The following OPCML variants were observed in gnomAD, a reference collection of about 807,000 sequenced individuals.
OPCML encodes the protein opioid binding protein/cell adhesion molecule like.
OPCML carries 13 observed loss-of-function variants against 37.8 expected under a neutral mutation model. The observed-to-expected ratio is 0.34, with a 90% confidence interval of 0.22 to 0.55. The LOEUF is 0.55. Ranked by LOEUF, OPCML falls within the 20% of genes least tolerant of loss-of-function variation. OPCML has a pLI of 0.91. For missense variants in OPCML, 341 were observed against 435.6 expected (o/e 0.78, Z 1.93); for synonymous variants, 176 against 168.8 (o/e 1.04, Z -0.33).
intron 7 of OPCML, chr11:132,435,011 C>A: frequency 2.5e-6 from 1 of 399,682 alleles, no homozygotes; most frequent in Non-Finnish European, 4.9e-6. Flanking sequence ...ATTATCTAAA[C>A]TGTGTAAACC....
intron 1 of OPCML, among the ~76,000 whole-genome samples, chr11:133,139,618 G>T (rs2137156605): frequency 6.6e-6 from 1 of 152,314 alleles, no homozygotes; most frequent in Admixed American, 6.5e-5. Flanking sequence ...TAGAAGAAAT[G>T]AGGCAGATTG....
chr11:132,461,210 A>G (rs964536200), intron 4 of OPCML, among the ~76,000 whole-genome samples: 2 of 152,140 alleles, frequency 1.3e-5, no homozygotes, highest in Non-Finnish European at 2.9e-5. Context: ...TGCTAATGCC[A>G]TGACTGGGGA....
intron 1 of OPCML, among the ~76,000 whole-genome samples, chr11:133,074,735 T>A (rs1463625594): frequency 6.6e-6 from 1 of 152,142 alleles, no homozygotes; most frequent in Non-Finnish European, 1.5e-5. Context: ...TGCAAAAATA[T>A]GATGAGAACA....
intron 3 of OPCML, among the ~76,000 whole-genome samples, chr11:132,547,355 C>T (rs767331440): frequency 6.6e-5 from 10 of 151,926 alleles, no homozygotes; most frequent in South Asian, 2.1e-4. Flanking sequence ...AGAGGGTGGG[C>T]GAATCAAGAG....
At chr11:132,698,901 A>T (rs979170100) in intron 2 of OPCML, among the ~76,000 whole-genome samples, 1 of 152,098 alleles carries the variant, frequency 6.6e-6, no homozygotes, top group African/African-American at 2.4e-5. Flanking sequence ...TCTGAAAAAA[A>T]ATGCCATTGA....
intron 1 of OPCML, among the ~76,000 whole-genome samples, chr11:133,168,502 A>G (rs1950244844): frequency 6.6e-6 from 1 of 152,220 alleles, no homozygotes; most frequent in African/African-American, 2.4e-5. Flanking sequence ...AATTGGTGTC[A>G]TGTAAAAAAA....
intron 3 of OPCML, among the ~76,000 whole-genome samples, chr11:132,631,566 T>A (rs1013631992): frequency 1.3e-5 from 2 of 150,864 alleles, no homozygotes; most frequent in Non-Finnish European, 3.0e-5. Flanking sequence ...TTCACGCCAT[T>A]CGCCTGCCTC....
At chr11:133,427,870 T>C (rs1197770105) in intron 1 of OPCML, among the ~76,000 whole-genome samples, 2 of 152,164 alleles carry the variant, frequency 1.3e-5, no homozygotes, top group African/African-American at 4.8e-5. Context: ...TGAAAATATC[T>C]ATGTGCATAT....
At position 132,850,501 on chromosome 11, in the gene OPCML, C is replaced by T. The variant is rs906496304; in HGVS notation, c.146+92425G>A. Among the ~76,000 whole-genome samples the T allele has an allele frequency of 2.0e-5, 3 of 147,858 alleles. No homozygotes were observed. In the South Asian group the frequency reaches 6.5e-4, roughly 32 times the overall value. ...TAAACAATTTGTCTATTTTATGATT[C>T]TACACTGTGGAAAGGGTGTGTGTGT... is the stretch of plus-strand genomic sequence containing the variant. On this transcript the variant is annotated intron_variant, in intron 2 of 7. Transcript: ENST00000524381.
At chr11:132,996,501 A>T (rs111345962) in intron 1 of OPCML, among the ~76,000 whole-genome samples, 1 of 151,378 alleles carries the variant, frequency 6.6e-6, no homozygotes, top group African/African-American at 2.4e-5. Flanking sequence ...AGTCCCAGCT[A>T]CTCGGAAGCC....
chr11:133,426,986 A>G (rs1228916344), intron 1 of OPCML, among the ~76,000 whole-genome samples: 1 of 152,324 alleles, frequency 6.6e-6, no homozygotes, highest in East Asian at 1.9e-4. Flanking sequence ...TGTAGAAAGT[A>G]AAGCAAACAA....
intron 2 of OPCML, among the ~76,000 whole-genome samples, chr11:132,913,284 C>A (rs180928313): frequency 7.2e-5 from 11 of 152,266 alleles, no homozygotes; most frequent in Admixed American, 6.5e-4. Flanking sequence ...GGTAAAAACA[C>A]TTCTAAGAGC....
intron 3 of OPCML, among the ~76,000 whole-genome samples, chr11:132,638,558 G>C (rs1940665060): frequency 1.3e-5 from 2 of 152,104 alleles, no homozygotes; most frequent in South Asian, 2.1e-4. Flanking sequence ...TTGTTTTGGA[G>C]GTCACAAGAT....
chr11:132,565,561 AC>A (rs2096420648), intron 3 of OPCML, among the ~76,000 whole-genome samples: 1 of 152,126 alleles, frequency 6.6e-6, no homozygotes, highest in Admixed American at 6.6e-5. Flanking sequence ...CTTGACATTG[AC>A]TACAGCTAAA....
intron 2 of OPCML, among the ~76,000 whole-genome samples, chr11:132,794,220 C>A (rs1262181990): frequency 2.0e-5 from 3 of 152,102 alleles, no homozygotes; most frequent in Admixed American, 2.0e-4. Context: ...CCTATTCTAC[C>A]ATAATACACT....
chr11:133,440,611 C>T (rs1440787644), intron 1 of OPCML, among the ~76,000 whole-genome samples: 1 of 150,072 alleles, frequency 6.7e-6, no homozygotes, highest in South Asian at 2.1e-4. Flanking sequence ...CCTGTAATCC[C>T]AGCTAACTGG....
intron 1 of OPCML, among the ~76,000 whole-genome samples, chr11:133,121,000 G>A (rs778476006): frequency 2.0e-5 from 3 of 152,230 alleles, no homozygotes; most frequent in East Asian, 1.9e-4. Context: ...TCAGCTCACC[G>A]CAACCTCTGC....
At chr11:132,464,321 T>G (rs1021896414) in intron 4 of OPCML, among the ~76,000 whole-genome samples, 1 of 152,202 alleles carries the variant, frequency 6.6e-6, no homozygotes, top group Non-Finnish European at 1.5e-5. Context: ...TTGCCTATGT[T>G]TTTATCAGGG....
intron 2 of OPCML, among the ~76,000 whole-genome samples, chr11:132,724,271 G>A (rs76164780): frequency 0.023 from 3,550 of 152,190 alleles, 135 homozygotes; most frequent in African/African-American, 0.081. Context: ...GATCAAGTTC[G>A]TTCAGAATTG....
Sources: gnomAD v4.1 joint callset for allele counts (sites outside exome capture counted in the v4.1 genomes callset) on GRCh38, gnomAD v4.1.1 for gene constraint, MANE v1.5 for transcripts, NCBI Gene and HGNC (gene_info 2026-07-23, HGNC 2026-07-21) for gene names.